Variants in TPRG1 observed in about 807,000 individuals in gnomAD.
TPRG1 encodes the protein tumor protein p63 regulated 1, also known as tumor protein p63-regulated gene 1 protein.
Under a neutral mutation model 29.3 loss-of-function variants are expected in TPRG1, and 29 were observed. That is an observed-to-expected ratio of 0.99 (90% CI 0.74 to 1.35). The LOEUF (loss-of-function observed/expected upper bound fraction) is 1.35. Ranked by LOEUF, TPRG1 falls within the 40% of genes most tolerant of loss-of-function variation. The probability of loss-of-function intolerance (pLI) is 0.00; values close to 1 mark genes in which losing one functional copy is unlikely to be tolerated. For synonymous variants in TPRG1, 130 were observed against 116.8 expected (o/e 1.11, Z -0.73); for missense variants, 327 against 335.0 (o/e 0.98, Z 0.19).
At chr3:189,285,794 A>T (rs1717960140) in intron 4 of TPRG1, among the ~76,000 whole-genome samples, 1 of 152,066 alleles carries the variant, frequency 6.6e-6, no homozygotes, top group Non-Finnish European at 1.5e-5. Flanking sequence ...AAGTCTCCTG[A>T]CTCCAAAGCC....
intron 4 of TPRG1, among the ~76,000 whole-genome samples, chr3:189,259,009 A>G (rs907484362): frequency 5.3e-5 from 8 of 152,116 alleles, no homozygotes; most frequent in Admixed American, 2.6e-4. Context: ...TAGAGTGAAC[A>G]GTTCTGTCTT....
intron 4 of TPRG1, among the ~76,000 whole-genome samples, chr3:189,049,767 A>G (rs1034950962): frequency 2.6e-5 from 4 of 152,180 alleles, no homozygotes; most frequent in African/African-American, 7.2e-5. Flanking sequence ...CACCTCCACC[A>G]GAAAAGGTGC....
upstream of TPRG1, among the ~76,000 whole-genome samples, chr3:189,099,018 G>A (rs2152187315): frequency 6.6e-6 from 1 of 152,220 alleles, no homozygotes; most frequent in Non-Finnish European, 1.5e-5. Context: ...GCGTGCTACA[G>A]CCGCAGCTCC....
At chr3:189,078,731 T>C (rs1388754976) in intron 4 of TPRG1, among the ~76,000 whole-genome samples, 3 of 152,234 alleles carry the variant, frequency 2.0e-5, no homozygotes, top group South Asian at 4.1e-4. Flanking sequence ...GGCAGACTTA[T>C]GTTTAAATAC....
chr3:189,177,088 C>T (rs1216159729), intron 1 of TPRG1, among the ~76,000 whole-genome samples: 2 of 151,970 alleles, frequency 1.3e-5, no homozygotes, highest in Non-Finnish European at 2.9e-5. Context: ...GATGTGGAAG[C>T]TTGGATGAGG....
chr3:189,135,219 C>T (rs1054564401), intron 3 of TPRG1, among the ~76,000 whole-genome samples: 2 of 152,126 alleles, frequency 1.3e-5, no homozygotes, highest in African/African-American at 4.8e-5. Context: ...GCCAAAATGG[C>T]CTCATCCAAT....
intron 3 of TPRG1, among the ~76,000 whole-genome samples, chr3:189,147,376 G>A (rs1196851356): frequency 6.6e-6 from 1 of 152,310 alleles, no homozygotes; most frequent in East Asian, 1.9e-4. Flanking sequence ...GGATGCAGGT[G>A]GATATGGCAG....
chr3:189,224,472 C>T (rs779249460), intron 3 of TPRG1, among the ~76,000 whole-genome samples: 15 of 151,876 alleles, frequency 9.9e-5, no homozygotes, highest in Non-Finnish European at 2.2e-4. Context: ...GAGCGAGACT[C>T]CATCTCAAAC....
intron 4 of TPRG1, among the ~76,000 whole-genome samples, chr3:189,287,858 T>C (rs1196311235): frequency 6.6e-6 from 1 of 152,172 alleles, no homozygotes; most frequent in Non-Finnish European, 1.5e-5. Context: ...TAAGGTGTGA[T>C]TTTTAATGAA....
chr3:189,108,124 T>C (rs951091082), intron 1 of TPRG1, among the ~76,000 whole-genome samples: 2 of 152,190 alleles, frequency 1.3e-5, no homozygotes, highest in Non-Finnish European at 2.9e-5. Context: ...CAATTATGTA[T>C]GGTTCCTTTA....
At chr3:189,102,594 C>T (rs547568897) in intron 1 of TPRG1, among the ~76,000 whole-genome samples, 196 of 152,214 alleles carry the variant, frequency 1.3e-3, no homozygotes, top group Non-Finnish European at 2.5e-3. Flanking sequence ...TGAATAATTG[C>T]CATGTTTTCC....
intron 4 of TPRG1, among the ~76,000 whole-genome samples, chr3:189,245,164 C>T (rs927817809): frequency 2.2e-4 from 33 of 152,142 alleles, no homozygotes; most frequent in Admixed American, 5.2e-4. Flanking sequence ...TCAGGTGATC[C>T]GCCTGCCTTG....
intron 4 of TPRG1, among the ~76,000 whole-genome samples, chr3:189,061,950 G>A (rs1361095082): frequency 6.6e-6 from 1 of 152,086 alleles, no homozygotes; most frequent in African/African-American, 2.4e-5. Context: ...ACACCTAGAG[G>A]AATATAAATC....
rs150144778 is a variant in TPRG1 at position 189,213,270 on chromosome 3, G to A, written c.211-2022G>A. 1.4e-3 allele frequency among the ~76,000 whole-genome samples: 213 copies of A among 152,266 alleles called. 1 individual carries two copies. The highest frequency in any genetic ancestry group is 4.8e-3 in the African/African-American group (201 of 41,542). The stretch of plus-strand genomic sequence containing the variant: ...TCATCTAATAAATGAGCAAACTGAT[G>A]TACGGAATGACAAAATGGTGTATAA... On this transcript the variant is annotated intron_variant, in intron 2 of 5. Coordinates refer to ENST00000345063, the MANE Select transcript of TPRG1 (RefSeq NM_198485.4).
At chr3:189,024,297 G>A (rs1479275805) in intron 4 of TPRG1, among the ~76,000 whole-genome samples, 1 of 152,190 alleles carries the variant, frequency 6.6e-6, no homozygotes, top group Non-Finnish European at 1.5e-5. Context: ...AAACAGGCCA[G>A]CTCTGCTGGG....
At position 189,209,142 on chromosome 3, in the gene TPRG1, TA is replaced by T. The variant is rs1224258006; in HGVS notation, c.210+1549del. Reference sequence around the variant, plus strand: ...GAAGCTAGTGCTTTCATTACTGAGCTACACACTTAACTAGCCCAGGGAGAGG... The same window carrying T: ...GAAGCTAGTGCTTTCATTACTGAGCTCACACTTAACTAGCCCAGGGAGAGG... On this transcript the variant is annotated intron_variant, in intron 2 of 5. Coordinates refer to ENST00000345063, the MANE Select transcript of TPRG1 (RefSeq NM_198485.4). Among the ~76,000 whole-genome samples, 16 of 152,288 alleles carry T rather than the reference TA, an allele frequency of 1.1e-4. No homozygotes were observed. The East Asian group carries it at 3.1e-3, about 29-fold the overall frequency.
chr3:189,133,527 G>A (rs1723349948), intron 3 of TPRG1, among the ~76,000 whole-genome samples: 1 of 152,148 alleles, frequency 6.6e-6, no homozygotes, highest in South Asian at 2.1e-4. Flanking sequence ...GTTCTCACAA[G>A]ACCTGTTGGT....
At chr3:189,099,776 G>C (rs1718973631), upstream of TPRG1, among the ~76,000 whole-genome samples, 6 of 152,102 alleles carry the variant, frequency 3.9e-5, no homozygotes, top group South Asian at 1.2e-3. Flanking sequence ...CTACTACCCG[G>C]GAAAACGATA....
At chr3:189,099,008 G>T, upstream of TPRG1, among the ~76,000 whole-genome samples, 1 of 152,112 alleles carries the variant, frequency 6.6e-6, no homozygotes, top group East Asian at 1.9e-4. Context: ...GCTTTACCCT[G>T]CGTGCTACAG....
Sources: allele counts gnomAD v4.1 joint callset (sites outside exome capture counted in the v4.1 genomes callset), GRCh38; gene constraint gnomAD v4.1.1; transcripts MANE v1.5; gene names NCBI Gene and HGNC (gene_info 2026-07-23, HGNC 2026-07-21).